The following TP73 variants were observed in gnomAD, a reference collection of about 807,000 sequenced individuals.
TP73 encodes tumor protein p73.
A neutral mutation model predicts 62.5 loss-of-function variants in TP73; 25 were observed. That is an observed-to-expected ratio of 0.40 (90% CI 0.29 to 0.56). The LOEUF (loss-of-function observed/expected upper bound fraction) is 0.56, where lower values mean the gene tolerates loss of function less well. TP73 is among the 20% of genes least tolerant of loss of function. The probability of loss-of-function intolerance (pLI) is 0.46; values close to 1 mark genes in which losing one functional copy is unlikely to be tolerated. For synonymous variants in TP73, 423 were observed against 377.5 expected, an observed-to-expected ratio of 1.12 and a Z score of -1.40; for missense variants, 754 against 913.3, an observed-to-expected ratio of 0.83 and a Z score of 2.25.
chr1:3,712,992 G>A (rs1267041641), intron 4 of TP73, among the ~76,000 whole-genome samples: 1 of 152,150 alleles, frequency 6.6e-6, no homozygotes, highest in Non-Finnish European at 1.5e-5. Context: ...TGACCCTCAG[G>A]GCCCCCAGGG....
chr1:3,728,253 T>G (rs1328047624), intron 9 of TP73, 36 bp downstream of exon 9: 1 of 1,597,128 alleles, frequency 6.3e-7, no homozygotes, highest in Non-Finnish European at 8.5e-7. Context: ...CCGGGAGACC[T>G]GCCTCACCTC....
intron 3 of TP73, among the ~76,000 whole-genome samples, chr1:3,692,505 T>C (rs1212398003): frequency 1.3e-5 from 2 of 152,224 alleles, no homozygotes; most frequent in Admixed American, 6.5e-5. Flanking sequence ...CACTTGTGCA[T>C]TGATACATGT....
intron 3 of TP73, among the ~76,000 whole-genome samples, chr1:3,695,310 C>A (rs1638534786): frequency 1.3e-5 from 2 of 152,224 alleles, no homozygotes; most frequent in Admixed American, 6.5e-5. Flanking sequence ...CCCTTGCCCC[C>A]CACTTCCTCC....
At chr1:3,677,752 G>C (rs1310437979) in intron 1 of TP73, among the ~76,000 whole-genome samples, 2 of 148,768 alleles carry the variant, frequency 1.3e-5, no homozygotes, top group Admixed American at 6.7e-5. Flanking sequence ...GGAGTGCAGT[G>C]GTGCAATCAT....
At position 3,662,762 on chromosome 1, in the gene TP73, G is replaced by A. The variant is rs367576900; in HGVS notation, c.-34+10121G>A. 1.6e-4 allele frequency among the ~76,000 whole-genome samples: 24 copies of A among 152,304 alleles called. No individual in the cohort carries two copies. The East Asian group carries it at 3.9e-3, about 25-fold the overall frequency. On this transcript the variant is annotated intron_variant, in intron 1 of 13. Transcript: ENST00000378295. The surrounding 1 kb of genome is among the most constrained non-coding windows in gnomAD (Gnocchi z 4.4). ...CAGGGCTATGGAGGGGACATTGCAA[G>A]GGGGCCTAGAGGGGCCTCTATGGGC...
At chr1:3,695,602 ACT>A (rs1220309056) in intron 3 of TP73, among the ~76,000 whole-genome samples, 1 of 152,066 alleles carries the variant, frequency 6.6e-6, no homozygotes, top group Admixed American at 6.5e-5. Flanking sequence ...GCCAGTGTCC[ACT>A]CTGTTCCTGC....
At chr1:3,691,009 A>G in intron 3 of TP73, 1 of 1,546,974 alleles carries the variant, frequency 6.5e-7, no homozygotes, top group Non-Finnish European at 8.7e-7. Flanking sequence ...GCTGCAGTGT[A>G]GGGTTCAGAG....
rs748571847 is a variant in TP73 at position 3,731,529 on chromosome 1, T to G, written c.1551T>G (p.Ile517Met). 9.3e-6 allele frequency: 15 copies of G among 1,613,814 alleles called. No individual in the cohort carries two copies. The South Asian group carries it at 1.6e-4, about 18-fold the overall frequency. ...TCACCTCCCAAGGGTTACAGAGCAT[T>G]TACCACCTGCAGAACCTGACCATTG... ...EYFTSQGLQS[I>M]YHLQNLTIED... Residue 517 changes from isoleucine to methionine, a missense_variant, in exon 13 of 14, where the codon ATT becomes ATG. Physicochemically the swap from Ile to Met is conservative, Grantham distance 10. This residue lies in a region of TP73 where 458 missense variants were observed against 528.7 expected (regional missense o/e 0.87). Transcript: ENST00000378295.
At chr1:3,730,533 G>A (rs182701000) in intron 11 of TP73, among the ~76,000 whole-genome samples, 15 of 152,222 alleles carry the variant, frequency 9.9e-5, no homozygotes, top group Admixed American at 2.0e-4. Context: ...AGCACAAGCC[G>A]GGGGCTCCAT....
chr1:3,726,221 G>T (rs1282831632), intron 6 of TP73, among the ~76,000 whole-genome samples: 3 of 124,550 alleles, frequency 2.4e-5, no homozygotes, highest in Non-Finnish European at 5.0e-5. Flanking sequence ...GGGTGGGTGG[G>T]TGGATGGATG....
intron 1 of TP73, among the ~76,000 whole-genome samples, chr1:3,675,641 C>T (rs1645347177): frequency 1.3e-5 from 2 of 152,110 alleles, no homozygotes; most frequent in Non-Finnish European, 2.9e-5. Context: ...TCTCAGAGCT[C>T]CACCGAGGGG....
rs535093017 is a variant in TP73 at position 3,658,211 on chromosome 1, G to A, written c.-34+5570G>A. Among the ~76,000 whole-genome samples the A allele has an allele frequency of 1.4e-4, 22 of 152,342 alleles. No homozygotes were observed. The South Asian group carries it at 3.7e-3, about 26-fold the overall frequency. ...GACACATTAGGGATGGACAGTGGCC[G>A]GAAGATTCCGTGGGCCTTGGAGATT... On this transcript the variant is annotated intron_variant, in intron 1 of 13. Coordinates refer to ENST00000378295, the MANE Select transcript of TP73 (RefSeq NM_005427.4).
chr1:3,700,355 T>A (rs761282625), intron 3 of TP73, among the ~76,000 whole-genome samples: 2 of 152,214 alleles, frequency 1.3e-5, no homozygotes, highest in Admixed American at 6.5e-5. Context: ...TGTCATCCGA[T>A]GGCACGGTCG....
intron 4 of TP73, among the ~76,000 whole-genome samples, chr1:3,715,375 A>G (rs1640508019): frequency 6.6e-6 from 1 of 152,106 alleles, no homozygotes; most frequent in Non-Finnish European, 1.5e-5. Flanking sequence ...AGGGGTGCTT[A>G]AGGCGGGTCT....
chr1:3,669,688 C>A (rs763274562), intron 1 of TP73, among the ~76,000 whole-genome samples: 18 of 152,246 alleles, frequency 1.2e-4, no homozygotes, highest in Non-Finnish European at 4.4e-5. Context: ...GGCACTCACG[C>A]AGCTACTCCC....
At chr1:3,697,933 G>A (rs1202714557) in intron 3 of TP73, 5 of 223,974 alleles carry the variant, frequency 2.2e-5, no homozygotes, top group East Asian at 3.6e-4. Flanking sequence ...GCTTATCACC[G>A]AGGGCCATCG....
Position 3,735,039 on chromosome 1 carries a change from G to A in TP73, c.*1960G>A, listed in dbSNP as rs1642381220. The A allele has an allele frequency of 1.3e-5, 2 of 152,474 alleles. No homozygotes were observed. The highest frequency in any genetic ancestry group is 1.3e-4 in the Admixed American group (2 of 15,292). 9.4% of individuals were successfully genotyped at this position (152,474 alleles called of 1,614,324 possible). ...GCAGACTCGGGGCTTTCCCAGGGTG[G>A]CGCAGCCACCCCAGCTGCATGTCAC... is the stretch of plus-strand genomic sequence containing the variant. On this transcript the variant is annotated 3_prime_UTR_variant, in exon 14 of 14. Transcript: ENST00000378295.
chr1:3,672,379 G>A lies in TP73; in HGVS notation c.-33-9954G>A, dbSNP rs1398930045. On this transcript the variant is annotated intron_variant, in intron 1 of 13. Transcript: ENST00000378295. This position sits in a 1 kb window ranked among gnomAD's most constrained non-coding sequence, Gnocchi z 5.3. ...TAGTGACACCCGGTGTGATCCCTTGGGGTAGAAAGGGGGTGTGAGAGGAGG... is the reference window on the plus strand; with the variant it reads ...TAGTGACACCCGGTGTGATCCCTTGAGGTAGAAAGGGGGTGTGAGAGGAGG... Among the ~76,000 whole-genome samples, 1 of 152,144 alleles carries A rather than the reference G, an allele frequency of 6.6e-6. No homozygotes were observed. Among genetic ancestry groups the A allele is most frequent in the Non-Finnish European group, 1.5e-5 (1 of 68,014 alleles).
chr1:3,660,678 G>C (rs1455585179), intron 1 of TP73, among the ~76,000 whole-genome samples: 1 of 151,586 alleles, frequency 6.6e-6, no homozygotes, highest in Non-Finnish European at 1.5e-5. Flanking sequence ...GCCATCCAGT[G>C]GTGTGATCTT....
Sources: gnomAD v4.1 joint callset for allele counts (sites outside exome capture counted in the v4.1 genomes callset) on GRCh38, gnomAD v4.1.1 for gene constraint, gnomAD v4.1.1 regional missense constraint, Gnocchi (gnomAD v3.1) non-coding constraint, MANE v1.5 for transcripts, NCBI Gene and HGNC (gene_info 2026-07-23, HGNC 2026-07-21) for gene names.